MYOM3: variants seen among roughly 807,000 people sequenced by gnomAD.
MYOM3 encodes myomesin 3, also known as myomesin-3.
Under a neutral mutation model 191.7 loss-of-function variants are expected in MYOM3, and 155 were observed. That is an observed-to-expected ratio of 0.81 (90% CI 0.71 to 0.92). MYOM3 has a LOEUF of 0.92. MYOM3 is among the 40% of genes least tolerant of loss of function. MYOM3 has a pLI of 0.00. For missense variants in MYOM3, 1,889 were observed against 1,890.6 expected (o/e 1.00, Z 0.02); for synonymous variants, 757 against 762.9 (o/e 0.99, Z 0.13).
rs750176576 is a variant in MYOM3 at position 24,108,588 on chromosome 1, G to A, written c.49C>T (p.Gln17Ter). The stretch of plus-strand genomic sequence containing the variant: ...TCCAGCCTGTGAACCTCCATGGCCT[G>A]GGGGGGCCGGGGGTCCCCCGCACCT... ...LGGAGDPRPP[Q>*]AMEVHRLEHR... is the part of the protein sequence containing the mutation. The change falls in exon 2 of 37, where the codon CAG becomes TAG. Residue 17 changes from glutamine (Q) to a stop codon, truncating the protein, a stop_gained. Transcript: ENST00000374434. LOFTEE classifies it high-confidence loss of function. The A allele has an allele frequency of 6.4e-7, 1 of 1,563,690 alleles. No individual in the cohort carries two copies. Among genetic ancestry groups the A allele is most frequent in the East Asian group, 2.4e-5 (1 of 42,374 alleles).
intron 7 of MYOM3, among the ~76,000 whole-genome samples, chr1:24,095,744 T>C (rs1049887554): frequency 6.6e-6 from 1 of 152,124 alleles, no homozygotes; most frequent in South Asian, 2.1e-4. Context: ...ACATGGCAGG[T>C]TCTCAATACA....
chr1:24,092,591 GGAAA>G (rs1643852115), intron 10 of MYOM3, among the ~76,000 whole-genome samples: 1 of 152,140 alleles, frequency 6.6e-6, no homozygotes, highest in Non-Finnish European at 1.5e-5. Context: ...CTTTGGATGG[GGAAA>G]CTGAGTCTCC....
Position 24,082,059 on chromosome 1 carries a change from G to A in MYOM3, c.2222C>T (p.Ser741Leu), listed in dbSNP as rs751141946. Residue 741 changes from serine to leucine, a missense_variant, in exon 18 of 37, where the codon TCG (serine) becomes TTG (leucine). By Grantham distance (145) the Ser-to-Leu change is moderately radical. Coordinates refer to ENST00000374434, the MANE Select transcript of MYOM3 (RefSeq NM_152372.4). ...ILGYFLDQHD[S>L]EELDWHAVNQ... ...GACCGCATGCCAGTCCAGCTCTTCC[G>A]AGTCATGCTGGTCCAGGAAGTAGCC... 12 of 1,612,642 alleles carry A rather than the reference G, an allele frequency of 7.4e-6. No homozygotes were observed. The highest frequency in any genetic ancestry group is 2.2e-5 in the South Asian group (2 of 90,980).
chr1:24,086,254 C>G lies in MYOM3; in HGVS notation c.1798+390G>C, dbSNP rs1643737066. Reference sequence around the variant, plus strand: ...GTGTCCTGCCTGGTAAGCCAGGGCTCAGGTGGGACAGCTCAACCCCCACCA... The same window carrying G: ...GTGTCCTGCCTGGTAAGCCAGGGCTGAGGTGGGACAGCTCAACCCCCACCA... On this transcript the variant is annotated intron_variant, in intron 15 of 36. Coordinates refer to ENST00000374434, the MANE Select transcript of MYOM3 (RefSeq NM_152372.4). Among the ~76,000 whole-genome samples, 3 of 152,042 alleles carry G rather than the reference C, an allele frequency of 2.0e-5. No individual in the cohort carries two copies. In the South Asian group the frequency reaches 6.2e-4, roughly 32 times the overall value.
intron 14 of MYOM3, among the ~76,000 whole-genome samples, chr1:24,088,589 C>T (rs867831779): frequency 1.8e-4 from 27 of 152,138 alleles, no homozygotes; most frequent in Admixed American, 3.3e-4. Flanking sequence ...CTACAGCTTT[C>T]CTATGTCGGA....
At chr1:24,091,675 A>G (rs1643833850) in intron 11 of MYOM3, among the ~76,000 whole-genome samples, 1 of 152,176 alleles carries the variant, frequency 6.6e-6, no homozygotes, top group South Asian at 2.1e-4. Flanking sequence ...GAAGGATGGA[A>G]AGAGATGAGG....
Position 24,108,568 on chromosome 1 carries a change from C to G in MYOM3, c.69G>C (p.Arg23Ser), listed in dbSNP as rs1223994996. 3 of 1,578,440 alleles carry G rather than the reference C, an allele frequency of 1.9e-6. No individual in the cohort carries two copies. Among genetic ancestry groups the G allele is most frequent in the Admixed American group, 3.7e-5 (2 of 54,230 alleles). Residue 23 changes from arginine (R) to serine (S), a missense_variant, in exon 2 of 37, where the codon AGG (arginine) becomes AGC (serine). Arg to Ser is a moderately radical substitution (Grantham distance 110). Transcript: ENST00000374434. ...GCTCCTCCTCCTGCCGGTGCTCCAG[C>G]CTGTGAACCTCCATGGCCTGGGGGG... ...PRPPQAMEVH[R>S]LEHRQEEEQK...
At chr1:24,065,016 C>G (rs565513559) in intron 29 of MYOM3, among the ~76,000 whole-genome samples, 122 of 152,306 alleles carry the variant, frequency 8.0e-4, no homozygotes, top group Admixed American at 3.8e-3. Flanking sequence ...TGGCATCATC[C>G]TTGCCCTGCC....
chr1:24,108,427 G>T, intron 2 of MYOM3, 49 bp downstream of exon 2: 1 of 1,463,942 alleles, frequency 6.8e-7, no homozygotes, highest in South Asian at 1.4e-5. Flanking sequence ...CTCAGACTGG[G>T]GGCCCTGGGA....
At chr1:24,092,088 G>A (rs1643845835) in intron 11 of MYOM3, 86 bp downstream of exon 11, 2 of 1,288,096 alleles carry the variant, frequency 1.6e-6, no homozygotes, top group African/African-American at 1.5e-5. Flanking sequence ...TCTGAGGTCA[G>A]ACATGGGGCC....
chr1:24,063,321 G>A lies in MYOM3; in HGVS notation c.3662-87C>T. 2 of 1,364,844 alleles carry A rather than the reference G, an allele frequency of 1.5e-6. No individual in the cohort carries two copies. Among genetic ancestry groups the A allele is most frequent in the Non-Finnish European group, 2.1e-6 (2 of 956,034 alleles). The allele number at this position is 1,364,844 out of a possible 1,614,324, so 84.5% of individuals were successfully genotyped here. ...GCCGGCTTGTCTGCCTCTGCCCTGG[G>A]GGGCAGGTGCTGTGGGGGAAATGCA... On this transcript the variant is annotated intron_variant, in intron 31 of 36. Coordinates refer to ENST00000374434, the MANE Select transcript of MYOM3 (RefSeq NM_152372.4). The surrounding 1 kb of genome is among the most constrained non-coding windows in gnomAD (Gnocchi z 4.5).
intron 14 of MYOM3, 110 bp from the exon 15 acceptor site, chr1:24,086,937 T>A: frequency 8.6e-7 from 1 of 1,158,626 alleles, no homozygotes; most frequent in Non-Finnish European, 1.2e-6. Flanking sequence ...TGATCCTCTA[T>A]ACTCAGCCCA....
chr1:24,083,439 C>T (rs1643698377), intron 16 of MYOM3: 1 of 152,764 alleles, frequency 6.5e-6, no homozygotes, highest in African/African-American at 2.4e-5. Context: ...CTGTTGGCTT[C>T]CCTACTTTTG....
chr1:24,086,492 C>T (rs1324194938), intron 15 of MYOM3, 152 bp downstream of exon 15: 4 of 748,400 alleles, frequency 5.3e-6, no homozygotes, highest in African/African-American at 5.3e-5. Flanking sequence ...TGTCTTAAAA[C>T]TCCCCAGGCC....
chr1:24,090,337 T>C (rs951052610), intron 12 of MYOM3, among the ~76,000 whole-genome samples: 1 of 152,148 alleles, frequency 6.6e-6, no homozygotes, highest in Non-Finnish European at 1.5e-5. Context: ...GCTCTTCCTC[T>C]TGGGACAAGT....
chr1:24,093,231 T>A, intron 9 of MYOM3, 123 bp from the exon 10 acceptor site: 1 of 663,734 alleles, frequency 1.5e-6, no homozygotes, highest in Non-Finnish European at 2.6e-6. Flanking sequence ...GAGGCTCAGC[T>A]CAGGCCTTGG....
chr1:24,081,709 C>T (rs564706769), intron 18 of MYOM3: 49 of 581,504 alleles, frequency 8.4e-5, no homozygotes, highest in African/African-American at 6.5e-4. Flanking sequence ...ACTACAGGCG[C>T]GTGCCACCAC....
intron 35 of MYOM3, among the ~76,000 whole-genome samples, chr1:24,059,180 G>C (rs549070164): frequency 6.6e-6 from 1 of 151,910 alleles, no homozygotes; most frequent in African/African-American, 2.4e-5. Context: ...GTTGCCCAGG[G>C]TGGAGTGCAG....
In MYOM3 at chr1:24,056,801, GT is replaced by G. The variant is rs1557597940; in HGVS notation, c.*562del. The G allele has an allele frequency of 6.5e-6, 1 of 153,016 alleles. No homozygotes were observed. Among genetic ancestry groups the G allele is most frequent in the Non-Finnish European group, 1.5e-5 (1 of 68,650 alleles). 9.5% of individuals were successfully genotyped at this position (153,016 alleles called of 1,614,324 possible). A position where few individuals can be genotyped will look rare whatever the true frequency, so the allele number is the denominator to read the frequency against. On this transcript the variant is annotated 3_prime_UTR_variant, in exon 37 of 37. Transcript: ENST00000374434. Reference sequence around the variant, plus strand: ...TCATGTCCTGCCTTGTCCTGGAGTTGTTTGCGCCCAGGTCTGTTTCTCCCAC... The same window carrying G: ...TCATGTCCTGCCTTGTCCTGGAGTTGTTGCGCCCAGGTCTGTTTCTCCCAC...
Sources: gnomAD v4.1 joint callset for allele counts (sites outside exome capture counted in the v4.1 genomes callset) on GRCh38, gnomAD v4.1.1 for gene constraint, Gnocchi (gnomAD v3.1) non-coding constraint, MANE v1.5 for transcripts, NCBI Gene and HGNC (gene_info 2026-07-23, HGNC 2026-07-21) for gene names.